Variants in SNAPC1 observed in about 807,000 individuals in gnomAD.
The protein encoded by SNAPC1 is snRNA-activating protein complex subunit 1.
In SNAPC1, 42 loss-of-function variants were observed where a neutral mutation model predicts 50.1. The observed-to-expected ratio is 0.84, with a 90% confidence interval of 0.65 to 1.08. The LOEUF (loss-of-function observed/expected upper bound fraction) is 1.08. SNAPC1 is among the 50% of genes least tolerant of loss of function. The pLI is 0.00. For synonymous variants in SNAPC1, 164 were observed against 144.2 expected (o/e 1.14, Z -0.98); for missense variants, 477 against 427.3 (o/e 1.12, Z -1.02).
rs1264015409 is a variant in SNAPC1 at position 61,776,067 on chromosome 14, A to G, written c.535-28A>G. On this transcript the variant is annotated intron_variant, in intron 4 of 9. Transcript: ENST00000216294. The stretch of plus-strand genomic sequence containing the variant: ...TTAGTTTCTCCTCAAAAAGTGAAGA[A>G]ATAAAGGACTCATCTTTTTGCTTTT... 6 of 1,547,590 alleles carry G rather than the reference A, an allele frequency of 3.9e-6. No individual in the cohort carries two copies. In the South Asian group the frequency reaches 7.4e-5, roughly 19 times the overall value.
chr14:61,762,491 T>G lies in SNAPC1; in HGVS notation c.31T>G (p.Cys11Gly). The G allele has an allele frequency of 6.8e-7, 1 of 1,462,938 alleles. No individual in the cohort carries two copies. Among genetic ancestry groups the G allele is most frequent in the South Asian group, 1.5e-5 (1 of 68,842 alleles). 90.6% of individuals were successfully genotyped at this position (1,462,938 alleles called of 1,614,324 possible). ...GACTCCTCCCGGCCTGCAGACCGAC[T>G]GCGAGGCGCTGCTCAGCCGCTTCCA... MGTPPGLQTD[C>G]EALLSRFQET... The change falls in exon 1 of 10, where the codon TGC (cysteine) becomes GGC (glycine). Residue 11 changes from cysteine to glycine, a missense_variant. Cys to Gly is a radical substitution (Grantham distance 159, BLOSUM62 -3). Coordinates refer to ENST00000216294, the MANE Select transcript of SNAPC1 (RefSeq NM_003082.4).
intron 3 of SNAPC1, 132 bp from the exon 4 acceptor site, chr14:61,768,504 T>G: frequency 3.5e-6 from 2 of 568,868 alleles, no homozygotes; most frequent in African/African-American, 1.9e-5. Context: ...ATTTAACAGA[T>G]GTACCCTTAC....
chr14:61,765,655 A>T (rs1186916238), intron 1 of SNAPC1, among the ~76,000 whole-genome samples: 1 of 152,140 alleles, frequency 6.6e-6, no homozygotes, highest in East Asian at 1.9e-4. Flanking sequence ...CTTTGAATAG[A>T]ATGGGAGAGG....
rs150102461 is a variant in SNAPC1, at chr14:61,763,830, C to T, written c.128+1242C>T. On this transcript the variant is annotated intron_variant, in intron 1 of 9. Coordinates refer to ENST00000216294, the MANE Select transcript of SNAPC1 (RefSeq NM_003082.4). ...GACTTGGGGCAAGTTACTTGAGTTTCCATATCTGTAAAATAGAGGCAATGA... is the reference window on the plus strand; with the variant it reads ...GACTTGGGGCAAGTTACTTGAGTTTTCATATCTGTAAAATAGAGGCAATGA... Among the ~76,000 whole-genome samples, 260 of 152,140 alleles carry T rather than the reference C, an allele frequency of 1.7e-3. 1 individual carries two copies. The highest frequency in any genetic ancestry group is 6.0e-3 in the African/African-American group (247 of 41,446).
intron 4 of SNAPC1, among the ~76,000 whole-genome samples, chr14:61,773,100 G>A (rs2045005489): frequency 6.6e-6 from 1 of 152,188 alleles, no homozygotes; most frequent in Non-Finnish European, 1.5e-5. Flanking sequence ...CATTTCAGAA[G>A]ATCTGAATTC....
At position 61,795,042 on chromosome 14, in the gene SNAPC1, T is replaced by C. The variant is rs1377916852; in HGVS notation, c.*59T>C. ...TTTCTGACAGAAGAAAAGATTGATATTTTGTGTATTGAACAGGAAGACTGC... is the reference window on the plus strand; with the variant it reads ...TTTCTGACAGAAGAAAAGATTGATACTTTGTGTATTGAACAGGAAGACTGC... On this transcript the variant is annotated 3_prime_UTR_variant, in exon 10 of 10. Coordinates refer to ENST00000216294, the MANE Select transcript of SNAPC1 (RefSeq NM_003082.4). 8.5e-6 allele frequency: 10 copies of C among 1,171,398 alleles called. No homozygotes were observed. The highest frequency in any genetic ancestry group is 2.4e-5 in the Admixed American group (1 of 42,256). The allele number at this position is 1,171,398 out of a possible 1,614,324, so 72.6% of individuals were successfully genotyped here.
At chr14:61,783,765 C>T (rs1422169273) in intron 8 of SNAPC1, among the ~76,000 whole-genome samples, 1 of 151,928 alleles carries the variant, frequency 6.6e-6, no homozygotes, top group East Asian at 1.9e-4. Context: ...GTCTTGAACT[C>T]CTGACTTCGT....
chr14:61,778,693 T>C (rs905712678), intron 6 of SNAPC1, among the ~76,000 whole-genome samples, 155 bp from the exon 7 acceptor site: 5 of 152,248 alleles, frequency 3.3e-5, no homozygotes, highest in Non-Finnish European at 7.3e-5. Flanking sequence ...TGTATGTTTA[T>C]GTGTGTGTAC....
chr14:61,770,499 C>T (rs1041168096), intron 4 of SNAPC1, among the ~76,000 whole-genome samples: 3 of 152,080 alleles, frequency 2.0e-5, no homozygotes, highest in Non-Finnish European at 2.9e-5. Context: ...CTGCATTGGC[C>T]TCCTAAAGTG....
chr14:61,795,161 G>A lies in SNAPC1; in HGVS notation c.*178G>A, dbSNP rs982214467. The stretch of plus-strand genomic sequence containing the variant: ...ATAAAAGTACAAAAAATTAGAATAA[G>A]AATTCTTTAACATTTTCTTTAATGA... On this transcript the variant is annotated 3_prime_UTR_variant, in exon 10 of 10. Transcript: ENST00000216294. 3.8e-6 allele frequency: 2 copies of A among 522,434 alleles called. No homozygotes were observed. Among genetic ancestry groups the A allele is most frequent in the African/African-American group, 2.0e-5 (1 of 50,010 alleles). The allele number at this position is 522,434 out of a possible 1,614,324, so 32.4% of individuals were successfully genotyped here.
chr14:61,793,775 G>A (rs1044730251), intron 9 of SNAPC1, among the ~76,000 whole-genome samples: 3 of 150,638 alleles, frequency 2.0e-5, no homozygotes, highest in African/African-American at 7.3e-5. Context: ...TCCTGCCTCA[G>A]CCTCCCAAGT....
chr14:61,771,439 G>C (rs1213590824), intron 4 of SNAPC1, among the ~76,000 whole-genome samples: 1 of 152,090 alleles, frequency 6.6e-6, no homozygotes, highest in Non-Finnish European at 1.5e-5. Flanking sequence ...TTAGAAATTT[G>C]TCATTCAACA....
chr14:61,773,639 G>T (rs1357698076), intron 4 of SNAPC1, among the ~76,000 whole-genome samples: 1 of 149,094 alleles, frequency 6.7e-6, no homozygotes, highest in African/African-American at 2.5e-5. Flanking sequence ...CTCATGATCC[G>T]CCCGCCTCGG....
chr14:61,791,155 G>A (rs1263664121), intron 8 of SNAPC1, among the ~76,000 whole-genome samples: 2 of 151,998 alleles, frequency 1.3e-5, no homozygotes, highest in Admixed American at 1.3e-4. Flanking sequence ...GGGATTACAG[G>A]CACCCACCAC....
chr14:61,777,397 CA>C (rs1465519201), intron 5 of SNAPC1, among the ~76,000 whole-genome samples: 2 of 152,018 alleles, frequency 1.3e-5, no homozygotes, highest in Non-Finnish European at 2.9e-5. Context: ...TGTATATAGA[CA>C]GGGTCTTCTT....
Position 61,782,343 on chromosome 14 carries a change from GAGA to G in SNAPC1, c.927_929del (p.Lys310del). 1.2e-6 allele frequency: 2 copies of G among 1,613,438 alleles called. No individual in the cohort carries two copies. Among genetic ancestry groups the G allele is most frequent in the Non-Finnish European group, 1.7e-6 (2 of 1,179,762 alleles). ...GCAAGTCAAAGCAACTAGGAAAAAA[GAGA>G]AGAAAGAAAGATTGAAACCAGCAGG... On this transcript the variant is annotated inframe_deletion, in exon 8 of 10. Coordinates refer to ENST00000216294, the MANE Select transcript of SNAPC1 (RefSeq NM_003082.4).
chr14:61,767,205 G>A lies in SNAPC1; in HGVS notation c.289-7G>A. On this transcript the variant is annotated splice_polypyrimidine_tract_variant and splice_region_variant and intron_variant, in intron 2 of 9. Coordinates refer to ENST00000216294, the MANE Select transcript of SNAPC1 (RefSeq NM_003082.4). ...TTAGTACAACTTTTTTTTCTTCCTG[G>A]TTGCAGATCAGAGTTGCCCTGAAGG... is the stretch of plus-strand genomic sequence containing the variant. 7.0e-7 allele frequency: 1 copy of A among 1,429,436 alleles called. No individual in the cohort carries two copies. The highest frequency in any genetic ancestry group is 9.2e-7 in the Non-Finnish European group (1 of 1,086,582). 88.5% of individuals were successfully genotyped at this position (1,429,436 alleles called of 1,614,324 possible).
chr14:61,793,794 T>TTAC (rs1383836910), intron 9 of SNAPC1, among the ~76,000 whole-genome samples: 1 of 151,806 alleles, frequency 6.6e-6, no homozygotes, highest in Non-Finnish European at 1.5e-5. Context: ...GTAGCTGGGA[T>TTAC]TACAGGCACT....
chr14:61,775,482 CTGATCTGG>C (rs1043662227), intron 4 of SNAPC1, among the ~76,000 whole-genome samples: 1 of 152,088 alleles, frequency 6.6e-6, no homozygotes, highest in Non-Finnish European at 1.5e-5. Flanking sequence ...TCTTGAACTC[CTGATCTGG>C]TGATTCTCCC....
Sources: gnomAD v4.1 joint callset for allele counts (sites outside exome capture counted in the v4.1 genomes callset) on GRCh38, gnomAD v4.1.1 for gene constraint, MANE v1.5 for transcripts, NCBI Gene and HGNC (gene_info 2026-07-23, HGNC 2026-07-21) for gene names.